RPH3A: variants seen among roughly 807,000 people sequenced by gnomAD.
RPH3A encodes the protein rabphilin 3A.
A neutral mutation model predicts 102.2 loss-of-function variants in RPH3A; 48 were observed. That is an observed-to-expected ratio of 0.47 (90% CI 0.37 to 0.60). The LOEUF (loss-of-function observed/expected upper bound fraction) is 0.60. Ranked by LOEUF, RPH3A falls within the 20% of genes least tolerant of loss-of-function variation. RPH3A has a pLI of 0.00. For missense variants in RPH3A, 781 were observed against 910.1 expected, an observed-to-expected ratio of 0.86 and a Z score of 1.83; for synonymous variants, 310 against 324.3, an observed-to-expected ratio of 0.96 and a Z score of 0.47.
In RPH3A at chr12:112,876,804, G is replaced by A. The variant is rs200996653; in HGVS notation, c.1109G>A (p.Arg370His). ...GCTGCCCCCCAGCCTGCTGCAGCCCGCCAGCCACCACCCCCAGAGGAGGAG... is the reference window on the plus strand; with the variant it reads ...GCTGCCCCCCAGCCTGCTGCAGCCCACCAGCCACCACCCCCAGAGGAGGAG... ...SAAAPQPAAARQPPPPEEEEE... is the reference protein window; with the variant it reads ...SAAAPQPAAAHQPPPPEEEEE... Residue 370 changes from arginine (R) to histidine (H), a missense_variant, in exon 13 of 22, where the codon CGC becomes CAC. Coordinates refer to ENST00000389385, the MANE Select transcript of RPH3A (RefSeq NM_001143854.2). The A allele has an allele frequency of 2.9e-4, 468 of 1,609,804 alleles. 1 individual carries two copies. The highest frequency in any genetic ancestry group is 9.0e-5 in the Non-Finnish European group (106 of 1,178,050).
intron 1 of RPH3A, among the ~76,000 whole-genome samples, chr12:112,702,081 A>G (rs2040398521): frequency 6.6e-6 from 1 of 152,224 alleles, no homozygotes; most frequent in Non-Finnish European, 1.5e-5. Context: ...AGCTGCCTGT[A>G]TGTCTGGAAA....
intron 1 of RPH3A, among the ~76,000 whole-genome samples, chr12:112,652,635 T>C (rs1256457216): frequency 1.3e-5 from 2 of 152,218 alleles, no homozygotes; most frequent in African/African-American, 4.8e-5. Flanking sequence ...GCACAGTTTA[T>C]TCTCCTCCTC....
Position 112,769,301 on chromosome 12 carries a change from C to T in RPH3A, c.-139-22842C>T, listed in dbSNP as rs765687519. ...ATTGGGTGCTGGTTTTAGAGGCAAA[C>T]GTTTTTCTTGTGGTGTAATTATGAA... On this transcript the variant is annotated intron_variant, in intron 1 of 21. Coordinates refer to the RPH3A transcript ENST00000543106. 5.1e-4 allele frequency among the ~76,000 whole-genome samples: 77 copies of T among 152,268 alleles called. 3 individuals carry two copies. Among genetic ancestry groups the T allele is most frequent in the Admixed American group, 4.6e-3 (70 of 15,300 alleles).
chr12:112,875,534 T>C, intron 11 of RPH3A, 145 bp from the exon 12 acceptor site: 5 of 666,836 alleles, frequency 7.5e-6, no homozygotes, highest in Non-Finnish European at 1.0e-5. Flanking sequence ...AAAGCTCCTC[T>C]CCCAGTGGGA....
At chr12:112,747,987 G>A (rs1050887115) in intron 1 of RPH3A, among the ~76,000 whole-genome samples, 1 of 152,196 alleles carries the variant, frequency 6.6e-6, no homozygotes, top group African/African-American at 2.4e-5. Flanking sequence ...ACCTGGAAGA[G>A]ACACACATGC....
chr12:112,636,751 A>G (rs1468940695), intron 1 of RPH3A, among the ~76,000 whole-genome samples: 2 of 152,000 alleles, frequency 1.3e-5, no homozygotes, highest in Non-Finnish European at 2.9e-5. Flanking sequence ...CTTGAGATAG[A>G]CCTCAATTTG....
At chr12:112,830,420 G>C (rs1177500185) in intron 3 of RPH3A, among the ~76,000 whole-genome samples, 1 of 152,116 alleles carries the variant, frequency 6.6e-6, no homozygotes, top group Non-Finnish European at 1.5e-5. Context: ...CTTAGTCTTT[G>C]AAATGTGTTA....
intron 1 of RPH3A, among the ~76,000 whole-genome samples, chr12:112,603,601 A>G (rs1300502296): frequency 1.3e-5 from 2 of 152,194 alleles, no homozygotes; most frequent in African/African-American, 4.8e-5. Context: ...TAATTACTAT[A>G]TTTTGTAAGA....
Position 112,759,784 on chromosome 12 carries a change from C to G in RPH3A, c.-139-32359C>G, listed in dbSNP as rs574653346. Among the ~76,000 whole-genome samples, 4 of 152,306 alleles carry G rather than the reference C, an allele frequency of 2.6e-5. No individual in the cohort carries two copies. The East Asian group carries it at 7.7e-4, about 29-fold the overall frequency. On this transcript the variant is annotated intron_variant, in intron 1 of 21. Transcript: ENST00000543106. ...AGCCATTCTAACTCTGGCAGGGTCA[C>G]AGCCACCACTACATCTCTTCTGGTG...
intron 1 of RPH3A, among the ~76,000 whole-genome samples, chr12:112,592,593 A>G (rs1213759447): frequency 6.6e-6 from 1 of 152,224 alleles, no homozygotes; most frequent in Admixed American, 6.5e-5. Flanking sequence ...TGCTGGGATT[A>G]TAGGCATGAG....
chr12:112,729,986 G>A (rs2136048060), intron 1 of RPH3A, among the ~76,000 whole-genome samples: 1 of 152,188 alleles, frequency 6.6e-6, no homozygotes. Flanking sequence ...TATAAAAAGG[G>A]GGAAAACTGG....
intron 2 of RPH3A, among the ~76,000 whole-genome samples, chr12:112,824,086 G>A (rs1427188201): frequency 6.6e-6 from 1 of 152,160 alleles, no homozygotes; most frequent in Non-Finnish European, 1.5e-5. Flanking sequence ...ATGGACTCAG[G>A]GAGTGCTCCA....
chr12:112,585,215 A>C (rs2039429905), intron 1 of RPH3A, among the ~76,000 whole-genome samples: 1 of 152,144 alleles, frequency 6.6e-6, no homozygotes, highest in South Asian at 2.1e-4. Flanking sequence ...GATGGTGCTC[A>C]CCCAGACTGA....
At chr12:112,829,786 C>T (rs1487024026) in intron 3 of RPH3A, among the ~76,000 whole-genome samples, 1 of 152,116 alleles carries the variant, frequency 6.6e-6, no homozygotes, top group Non-Finnish European at 1.5e-5. Flanking sequence ...TTCATGCTTT[C>T]TATGAACAAA....
At chr12:112,802,127 G>C (rs1371794270) in intron 2 of RPH3A, among the ~76,000 whole-genome samples, 1 of 152,192 alleles carries the variant, frequency 6.6e-6, no homozygotes, top group Admixed American at 6.5e-5. Context: ...CATTTTAACA[G>C]AGATTTAATG....
chr12:112,714,118 A>G (rs2040498603), intron 1 of RPH3A, among the ~76,000 whole-genome samples: 1 of 152,114 alleles, frequency 6.6e-6, no homozygotes. Flanking sequence ...TGTCGTTAAG[A>G]TTCTGTCCCA....
chr12:112,749,323 T>G (rs1338358983), intron 1 of RPH3A, among the ~76,000 whole-genome samples: 1 of 152,138 alleles, frequency 6.6e-6, no homozygotes, highest in Non-Finnish European at 1.5e-5. Context: ...TGGGATGAGC[T>G]CTGAACCAGG....
chr12:112,796,651 C>CCTCT (rs2041236268), intron 2 of RPH3A, among the ~76,000 whole-genome samples: 1 of 152,340 alleles, frequency 6.6e-6, no homozygotes, highest in South Asian at 2.1e-4. Flanking sequence ...AAAGGACAGG[C>CCTCT]CTCTCTCTCT....
intron 1 of RPH3A, chr12:112,617,967 TC>T (rs2039694754): frequency 6.6e-6 from 1 of 152,244 alleles, no homozygotes; most frequent in Non-Finnish European, 1.5e-5. Flanking sequence ...ATCTTCTCCT[TC>T]CTTGATGTCA....
Sources: gnomAD v4.1 joint callset for allele counts (sites outside exome capture counted in the v4.1 genomes callset) on GRCh38, gnomAD v4.1.1 for gene constraint, MANE v1.5 for transcripts, NCBI Gene and HGNC (gene_info 2026-07-23, HGNC 2026-07-21) for gene names.